Variants in CHRNB2 observed in about 807,000 individuals in gnomAD.
CHRNB2 encodes the protein cholinergic receptor nicotinic beta 2 subunit.
CHRNB2 carries 33 observed loss-of-function variants against 42.7 expected under a neutral mutation model. That is an observed-to-expected ratio of 0.77 (90% confidence interval 0.59 to 1.03). CHRNB2 has a LOEUF of 1.03. CHRNB2 is among the 50% of genes least tolerant of loss of function. The pLI, the probability that CHRNB2 is intolerant of heterozygous loss-of-function variation, is 0.00. For missense variants in CHRNB2, 603 were observed against 700.9 expected, an observed-to-expected ratio of 0.86 and a Z score of 1.58; for synonymous variants, 325 against 292.9, an observed-to-expected ratio of 1.11 and a Z score of -1.12.
chr1:154,578,213 C>T lies in CHRNB2; in HGVS notation c.*2281C>T, dbSNP rs994902478. 1.3e-5 allele frequency: 2 copies of T among 152,294 alleles called. No individual in the cohort carries two copies. Among genetic ancestry groups the T allele is most frequent in the Non-Finnish European group, 2.9e-5 (2 of 68,078 alleles). The allele number at this position is 152,294 out of a possible 1,614,324, so 9.4% of individuals were successfully genotyped here. On this transcript the variant is annotated 3_prime_UTR_variant, in exon 6 of 6. Coordinates refer to ENST00000368476, the MANE Select transcript of CHRNB2 (RefSeq NM_000748.3). ...AGGATGCCGGCCTGAGGCCCTCCCT[C>T]TTGGCTCTCCCAGGGCCTGGGCTAC... is the stretch of plus-strand genomic sequence containing the variant.
In CHRNB2 at chr1:154,567,922, A is replaced by G; in HGVS notation, c.-123A>G. 2 of 877,550 alleles carry G rather than the reference A, an allele frequency of 2.3e-6. No homozygotes were observed. Among genetic ancestry groups the G allele is most frequent in the South Asian group, 4.9e-5 (2 of 41,130 alleles). 54.4% of individuals were successfully genotyped at this position (877,550 alleles called of 1,614,324 possible). The stretch of plus-strand genomic sequence containing the variant: ...CCCAGGAACCACCGCGGCGGCCGGC[A>G]CCACCTGGACCCAGCTCCAGGCGGG... On this transcript the variant is annotated 5_prime_UTR_variant, in exon 1 of 6. Transcript: ENST00000368476.
chr1:154,570,368 G>A lies in CHRNB2; in HGVS notation c.365+1G>A. On this transcript the variant is annotated splice_donor_variant, in intron 4 of 5. Coordinates refer to ENST00000368476, the MANE Select transcript of CHRNB2 (RefSeq NM_000748.3). LOFTEE classifies it high-confidence loss of function. ...TCCCAGATGTGGTCCTGTACAACAA[G>A]TAGGTGCAATGGGAAGGTTGGGGGA... is the stretch of plus-strand genomic sequence containing the variant. 1 of 1,588,376 alleles carries A rather than the reference G, an allele frequency of 6.3e-7. No homozygotes were observed. The highest frequency in any genetic ancestry group is 8.6e-7 in the Non-Finnish European group (1 of 1,158,494).
chr1:154,576,033 GC>G lies in CHRNB2; in HGVS notation c.*106del. On this transcript the variant is annotated 3_prime_UTR_variant, in exon 6 of 6. Transcript: ENST00000368476. ...GTGAGCTACCAGGAAGAGGGGCGCT[GC>G]CCCCACAGATCCATCCTTTTGCTTC... is the stretch of plus-strand genomic sequence containing the variant. 2 of 1,457,398 alleles carry G rather than the reference GC, an allele frequency of 1.4e-6. No individual in the cohort carries two copies. The highest frequency in any genetic ancestry group is 1.1e-5 in the South Asian group (1 of 87,348). The allele number at this position is 1,457,398 out of a possible 1,614,324, so 90.3% of individuals were successfully genotyped here.
At chr1:154,572,804 G>C in intron 5 of CHRNB2, among the ~76,000 whole-genome samples, 1 of 152,106 alleles carries the variant, frequency 6.6e-6, no homozygotes. Context: ...GAAGGGGAAG[G>C]CTCCTTGGCC....
intron 1 of CHRNB2, 32 bp downstream of exon 1, chr1:154,568,140 C>T (rs757613270): frequency 6.3e-7 from 1 of 1,579,320 alleles, no homozygotes; most frequent in South Asian, 1.2e-5. Flanking sequence ...GCCAGGTTCT[C>T]CTACCCCAGC....
chr1:154,568,076 T>C lies in CHRNB2; in HGVS notation c.32T>C (p.Leu11Pro). ...CGGCGCTGCGGCCCCGTGGCGCTGC[T>C]CCTTGGCTTCGGCCTCCTCCGGCTG... MARRCGPVAL[L>P]LGFGLLRLCS... Residue 11 changes from leucine (L) to proline (P), a missense_variant, in exon 1 of 6, where the codon CTC (leucine) becomes CCC (proline). Physicochemically the swap from Leu to Pro is moderately conservative, Grantham distance 98 (BLOSUM62 -3). Coordinates refer to ENST00000368476, the MANE Select transcript of CHRNB2 (RefSeq NM_000748.3). The C allele has an allele frequency of 6.2e-7, 1 of 1,604,396 alleles. No homozygotes were observed. Among genetic ancestry groups the C allele is most frequent in the Non-Finnish European group, 8.5e-7 (1 of 1,176,436 alleles).
In CHRNB2 at chr1:154,567,997, C is replaced by A; in HGVS notation, c.-48C>A. The A allele has an allele frequency of 6.7e-7, 1 of 1,483,802 alleles. No homozygotes were observed. The highest frequency in any genetic ancestry group is 8.9e-7 in the Non-Finnish European group (1 of 1,121,626). The allele number at this position is 1,483,802 out of a possible 1,614,324, so 91.9% of individuals were successfully genotyped here. On this transcript the variant is annotated 5_prime_UTR_variant, in exon 1 of 6. Transcript: ENST00000368476. Reference sequence around the variant, plus strand: ...GCCCCACCCGCGGCCCTCCCCCCGGCGGCGCGCTCCAGCCGGTGTAGGCGA... The same window carrying A: ...GCCCCACCCGCGGCCCTCCCCCCGGAGGCGCGCTCCAGCCGGTGTAGGCGA...
chr1:154,572,260 T>C lies in CHRNB2; in HGVS notation c.1338+99T>C, dbSNP rs1015742850. ...GCGTTCTATAGACATGCAGAGGTAG[T>C]AGGAGTGTAGGGGAGGAAAATGTGA... On this transcript the variant is annotated intron_variant, in intron 5 of 5. Coordinates refer to ENST00000368476, the MANE Select transcript of CHRNB2 (RefSeq NM_000748.3). 2.0e-6 allele frequency: 3 copies of C among 1,517,880 alleles called. No homozygotes were observed. In the African/African-American group the frequency reaches 4.1e-5, roughly 21 times the overall value. 94.0% of individuals were successfully genotyped at this position (1,517,880 alleles called of 1,614,324 possible). A position where few individuals can be genotyped will look rare whatever the true frequency, so the allele number is the denominator to read the frequency against.
At chr1:154,573,772 G>T (rs938798896) in intron 5 of CHRNB2, among the ~76,000 whole-genome samples, 1 of 152,072 alleles carries the variant, frequency 6.6e-6, no homozygotes, top group East Asian at 1.9e-4. Context: ...TTTTTGATAT[G>T]TGTTTCGCTT....
At position 154,576,717 on chromosome 1, in the gene CHRNB2, T is replaced by C. The variant is rs1400518642; in HGVS notation, c.*785T>C. The C allele has an allele frequency of 6.6e-6, 1 of 152,428 alleles. No individual in the cohort carries two copies. The highest frequency in any genetic ancestry group is 1.5e-5 in the Non-Finnish European group (1 of 68,220). 9.4% of individuals were successfully genotyped at this position (152,428 alleles called of 1,614,324 possible). A position where few individuals can be genotyped will look rare whatever the true frequency, so the allele number is the denominator to read the frequency against. The stretch of plus-strand genomic sequence containing the variant: ...AGTTCTGAATCTTTGGGTGACCTGC[T>C]TGGAGTCTCAGGTCCAAATACTTGA... On this transcript the variant is annotated 3_prime_UTR_variant, in exon 6 of 6. Coordinates refer to ENST00000368476, the MANE Select transcript of CHRNB2 (RefSeq NM_000748.3).
chr1:154,568,594 G>A (rs1696104912), intron 1 of CHRNB2, among the ~76,000 whole-genome samples: 1 of 152,110 alleles, frequency 6.6e-6, no homozygotes, highest in African/African-American at 2.4e-5. Context: ...AAAACGGAAC[G>A]GACTTTTCAA....
chr1:154,572,323 C>A (rs1035113615), intron 5 of CHRNB2, among the ~76,000 whole-genome samples, 162 bp downstream of exon 5: 1 of 151,906 alleles, frequency 6.6e-6, no homozygotes, highest in Non-Finnish European at 1.5e-5. Flanking sequence ...CTGGCTAGGG[C>A]CCTTCTGGGT....
chr1:154,574,799 A>T (rs1696240560), intron 5 of CHRNB2, among the ~76,000 whole-genome samples: 1 of 152,224 alleles, frequency 6.6e-6, no homozygotes, highest in South Asian at 2.1e-4. Context: ...CCAGGTATAT[A>T]ACAGGCACAG....
chr1:154,574,717 C>T (rs1696239284), intron 5 of CHRNB2, among the ~76,000 whole-genome samples: 1 of 152,194 alleles, frequency 6.6e-6, no homozygotes. Flanking sequence ...TTTGCTCCAC[C>T]TCCCTCAGTA....
At chr1:154,569,652 C>A (rs1696126777) in intron 2 of CHRNB2, 45 bp downstream of exon 2, 3 of 1,613,676 alleles carry the variant, frequency 1.9e-6, no homozygotes, top group African/African-American at 2.7e-5. Flanking sequence ...TGAAATCAGC[C>A]CCGCCAAAAT....
At chr1:154,572,857 A>G (rs1410179327) in intron 5 of CHRNB2, among the ~76,000 whole-genome samples, 2 of 152,076 alleles carry the variant, frequency 1.3e-5, no homozygotes. Flanking sequence ...GGCTTCTTCT[A>G]CAGGGTTCCC....
At position 154,571,648 on chromosome 1, in the gene CHRNB2, G is replaced by A. The variant is rs140739605; in HGVS notation, c.825G>A (p.Ala275=). 9.8e-5 allele frequency: 158 copies of A among 1,614,082 alleles called. No homozygotes were observed. Among genetic ancestry groups the A allele is most frequent in the Non-Finnish European group, 1.2e-4 (146 of 1,180,040 alleles). ...KMTLCISVLL[A]LTVFLLLISK... Reference sequence around the variant, plus strand: ...CGTTGTGCATCTCAGTGCTGCTGGCGCTCACGGTCTTCCTGCTGCTCATCT... The same window carrying A: ...CGTTGTGCATCTCAGTGCTGCTGGCACTCACGGTCTTCCTGCTGCTCATCT... The change falls in exon 5 of 6, where the codon GCG becomes GCA. Residue 275 remains alanine, a synonymous_variant. Transcript: ENST00000368476. This position sits in a 1 kb window ranked among gnomAD's most constrained non-coding sequence, Gnocchi z 6.8.
rs1311785870 is a variant in CHRNB2, at chr1:154,579,135, C to T, written c.*3203C>T. 3.3e-5 allele frequency: 5 copies of T among 152,136 alleles called. No homozygotes were observed. The highest frequency in any genetic ancestry group is 7.3e-5 in the Non-Finnish European group (5 of 68,034). 9.4% of individuals were successfully genotyped at this position (152,136 alleles called of 1,614,324 possible). A position where few individuals can be genotyped will look rare whatever the true frequency, so the allele number is the denominator to read the frequency against. On this transcript the variant is annotated 3_prime_UTR_variant, in exon 6 of 6. Coordinates refer to ENST00000368476, the MANE Select transcript of CHRNB2 (RefSeq NM_000748.3). ...AGGTGGTGTGTTCTACTGAGGAAGG[C>T]TACGGCAGAGGAAGGGCAAGACCGT...
At chr1:154,570,905 C>G (rs1311359939) in intron 4 of CHRNB2, among the ~76,000 whole-genome samples, 1 of 152,124 alleles carries the variant, frequency 6.6e-6, no homozygotes, top group Non-Finnish European at 1.5e-5. Flanking sequence ...TGACAAGTAG[C>G]AGATGTGTCC....
Sources: gnomAD v4.1 joint callset for allele counts (sites outside exome capture counted in the v4.1 genomes callset) on GRCh38, gnomAD v4.1.1 for gene constraint, Gnocchi (gnomAD v3.1) non-coding constraint, MANE v1.5 for transcripts, NCBI Gene and HGNC (gene_info 2026-07-23, HGNC 2026-07-21) for gene names.